Variants in AUH observed in about 807,000 individuals in gnomAD.
The protein encoded by AUH is AU RNA binding methylglutaconyl-CoA hydratase, also known as methylglutaconyl-CoA hydratase, mitochondrial.
A neutral mutation model predicts 42.3 loss-of-function variants in AUH; 29 were observed. That is an observed-to-expected ratio of 0.69 (90% CI 0.51 to 0.93). The LOEUF (loss-of-function observed/expected upper bound fraction) is 0.93. Ranked by LOEUF, AUH falls within the 40% of genes least tolerant of loss-of-function variation. The pLI, the probability that AUH is intolerant of heterozygous loss-of-function variation, is 0.00. For synonymous variants in AUH, 174 were observed against 166.4 expected (o/e 1.05, Z -0.35); for missense variants, 452 against 438.1 (o/e 1.03, Z -0.28).
intron 6 of AUH, among the ~76,000 whole-genome samples, chr9:91,293,783 C>T (rs1260199095): frequency 6.6e-6 from 1 of 152,068 alleles, no homozygotes; most frequent in African/African-American, 2.4e-5. Context: ...TCAGTGTAGA[C>T]AAAACAGCCT....
At chr9:91,229,448 C>T (rs200525610) in intron 6 of AUH, among the ~76,000 whole-genome samples, 12,768 of 150,070 alleles carry the variant, frequency 0.085, 602 homozygotes, top group East Asian at 0.18. Context: ...CTATGTGTGT[C>T]TCTGCACGTG....
At chr9:91,323,587 C>T (rs1829749886) in intron 4 of AUH, among the ~76,000 whole-genome samples, 1 of 150,644 alleles carries the variant, frequency 6.6e-6, no homozygotes, top group East Asian at 2.0e-4. Context: ...CGTGCCACTG[C>T]ACTCCAGCCT....
intron 6 of AUH, among the ~76,000 whole-genome samples, chr9:91,238,268 C>T (rs1192555650): frequency 1.3e-5 from 2 of 152,116 alleles, no homozygotes. Context: ...ATCTCATGGT[C>T]CAAAAAGGCT....
At chr9:91,265,890 T>C (rs1829949864) in intron 6 of AUH, among the ~76,000 whole-genome samples, 1 of 152,192 alleles carries the variant, frequency 6.6e-6, no homozygotes. Context: ...TATATCTCAT[T>C]TGTTGATGCC....
At chr9:91,355,764 G>A in intron 3 of AUH, 119 bp downstream of exon 3, 1 of 854,266 alleles carries the variant, frequency 1.2e-6, no homozygotes, top group South Asian at 1.5e-5. Context: ...GTAAAACACA[G>A]ACAAAGAGGA....
intron 6 of AUH, among the ~76,000 whole-genome samples, chr9:91,293,875 G>C (rs1250983355): frequency 1.3e-5 from 2 of 152,218 alleles, no homozygotes; most frequent in East Asian, 1.9e-4. Flanking sequence ...TCAAAGGACA[G>C]ACTGACTCCC....
At chr9:91,262,423 G>A (rs548796910) in intron 6 of AUH, among the ~76,000 whole-genome samples, 2 of 152,166 alleles carry the variant, frequency 1.3e-5, no homozygotes, top group South Asian at 4.2e-4. Flanking sequence ...GTCTTCCCTC[G>A]CCCCTCCAAC....
intron 9 of AUH, among the ~76,000 whole-genome samples, chr9:91,215,590 T>TG (rs1271190050): frequency 6.6e-6 from 1 of 152,208 alleles, no homozygotes; most frequent in Middle Eastern, 3.4e-3. Context: ...AACTTACAGA[T>TG]GAAAAGGGCC....
intron 3 of AUH, among the ~76,000 whole-genome samples, chr9:91,327,244 C>G (rs1240498784): frequency 1.3e-5 from 2 of 152,168 alleles, no homozygotes; most frequent in Non-Finnish European, 2.9e-5. Flanking sequence ...GACAAATTCC[C>G]CAGCAGACAG....
chr9:91,254,911 AC>A (rs1829328049), intron 6 of AUH, among the ~76,000 whole-genome samples: 1 of 152,200 alleles, frequency 6.6e-6, no homozygotes, highest in Non-Finnish European at 1.5e-5. Context: ...TTTAGACTTG[AC>A]ATAAAACTAA....
At chr9:91,220,782 TA>T (rs1298299993) in intron 7 of AUH, 22 bp downstream of exon 7, 1 of 1,612,562 alleles carries the variant, frequency 6.2e-7, no homozygotes, top group African/African-American at 1.3e-5. Flanking sequence ...TGAGAAAAAA[TA>T]AACTCATTTA....
intron 4 of AUH, among the ~76,000 whole-genome samples, chr9:91,298,382 T>C (rs941539633): frequency 2.6e-5 from 4 of 152,262 alleles, no homozygotes; most frequent in African/African-American, 9.6e-5. Context: ...TTCTTAATCT[T>C]AGAGCCAGAA....
intron 6 of AUH, among the ~76,000 whole-genome samples, chr9:91,292,663 G>T (rs1416591453): frequency 2.0e-5 from 3 of 151,978 alleles, no homozygotes; most frequent in African/African-American, 7.3e-5. Context: ...ACGCATAAAA[G>T]CTTTAAAATA....
At chr9:91,286,421 C>A (rs1318061409) in intron 6 of AUH, among the ~76,000 whole-genome samples, 1 of 152,040 alleles carries the variant, frequency 6.6e-6, no homozygotes, top group Admixed American at 6.6e-5. Flanking sequence ...TTCTTCCTTT[C>A]TTTTTAAATT....
At chr9:91,342,296 T>C (rs1281339629) in intron 3 of AUH, among the ~76,000 whole-genome samples, 2 of 152,182 alleles carry the variant, frequency 1.3e-5, no homozygotes, top group Admixed American at 6.5e-5. Context: ...CTCAGAGTCC[T>C]CCTGCCTCCC....
intron 4 of AUH, 138 bp from the exon 5 acceptor site, chr9:91,298,214 C>T (rs1827504091): frequency 1.5e-6 from 1 of 671,100 alleles, no homozygotes; most frequent in Admixed American, 2.5e-5. Context: ...TTACCTTTAA[C>T]AAAATATAAG....
At chr9:91,285,983 T>A (rs772359036) in intron 6 of AUH, among the ~76,000 whole-genome samples, 14 of 151,988 alleles carry the variant, frequency 9.2e-5, no homozygotes, top group Non-Finnish European at 1.8e-4. Context: ...GCCTCTTTTT[T>A]AAAAAAAATC....
chr9:91,275,953 C>A (rs1825505516), intron 6 of AUH, among the ~76,000 whole-genome samples: 1 of 152,122 alleles, frequency 6.6e-6, no homozygotes, highest in African/African-American at 2.4e-5. Flanking sequence ...AGCAATCTAT[C>A]CTTTGAGACT....
intron 6 of AUH, among the ~76,000 whole-genome samples, chr9:91,257,045 G>A (rs1055681255): frequency 1.3e-5 from 2 of 152,102 alleles, no homozygotes; most frequent in African/African-American, 2.4e-5. Flanking sequence ...TGTCTCTGAG[G>A]TTGATGAGAA....
Sources: gnomAD v4.1 joint callset for allele counts (sites outside exome capture counted in the v4.1 genomes callset) on GRCh38, gnomAD v4.1.1 for gene constraint, MANE v1.5 for transcripts, NCBI Gene and HGNC (gene_info 2026-07-23, HGNC 2026-07-21) for gene names.